JAKMIP3: variants seen among roughly 807,000 people sequenced by gnomAD.
JAKMIP3 encodes the protein janus kinase and microtubule-interacting protein 3.
A neutral mutation model predicts 118.5 loss-of-function variants in JAKMIP3; 58 were observed. That is an observed-to-expected ratio of 0.49 (90% CI 0.40 to 0.61). The LOEUF (loss-of-function observed/expected upper bound fraction) is 0.61. Ranked by LOEUF, JAKMIP3 falls within the 20% of genes least tolerant of loss-of-function variation. JAKMIP3 has a pLI of 0.00. For synonymous variants in JAKMIP3, 486 were observed against 451.2 expected, an observed-to-expected ratio of 1.08 and a Z score of -0.98; for missense variants, 950 against 1,109.0, an observed-to-expected ratio of 0.86 and a Z score of 2.04.
In JAKMIP3 at chr10:132,180,598, C is replaced by CGTGT. The variant is rs1197889748; in HGVS notation, c.*1104-1756_*1104-1755insTGTG. On this transcript the variant is annotated intron_variant, in intron 23 of 23. Transcript: ENST00000684848. Reference sequence around the variant, plus strand: ...GTGTGTGCGTGCGCGTGTGTGTGTGCGTGCGCGTGTGTGTGTGCGTGTGTG... The same window carrying CGTGT: ...GTGTGTGCGTGCGCGTGTGTGTGTGCGTGTGTGCGCGTGTGTGTGTGCGTGTGTG... 1.2e-3 allele frequency among the ~76,000 whole-genome samples: 9 copies of CGTGT among 7,366 alleles called. 1 individual carries two copies. Among genetic ancestry groups the CGTGT allele is most frequent in the African/African-American group, 4.3e-3 (9 of 2,108 alleles). 4.8% of individuals were successfully genotyped at this position (7,366 alleles called of 152,430 possible).
At chr10:132,148,470 G>A (rs1361801160) in intron 14 of JAKMIP3, among the ~76,000 whole-genome samples, 11 of 96,100 alleles carry the variant, frequency 1.1e-4, no homozygotes, top group South Asian at 4.0e-4. Context: ...TCCTCCATCC[G>A]CCCGTCCTCC....
At chr10:132,050,966 C>T (rs1457359015) in intron 1 of JAKMIP3, among the ~76,000 whole-genome samples, 1 of 147,064 alleles carries the variant, frequency 6.8e-6, no homozygotes, top group Non-Finnish European at 1.5e-5. Context: ...TCTTTCCTGG[C>T]ATGTTGGTCT....
At chr10:132,155,525 A>G (rs1442214836) in intron 19 of JAKMIP3, among the ~76,000 whole-genome samples, 1 of 152,214 alleles carries the variant, frequency 6.6e-6, no homozygotes, top group Non-Finnish European at 1.5e-5. Flanking sequence ...CAGCCACACC[A>G]GGCACCTAGC....
intron 19 of JAKMIP3, among the ~76,000 whole-genome samples, chr10:132,154,669 C>A (rs2056781174): frequency 6.6e-6 from 1 of 152,084 alleles, no homozygotes; most frequent in African/African-American, 2.4e-5. Flanking sequence ...ACCCTCATGC[C>A]TGTGAGGAGA....
chr10:132,120,519 ATC>A (rs1316802343), intron 3 of JAKMIP3, among the ~76,000 whole-genome samples: 3 of 152,212 alleles, frequency 2.0e-5, no homozygotes, highest in Non-Finnish European at 2.9e-5. Flanking sequence ...CCAGCTATCT[ATC>A]TGTCTATATC....
At chr10:132,164,798 C>G in intron 21 of JAKMIP3, 63 bp downstream of exon 21, 1 of 1,153,478 alleles carries the variant, frequency 8.7e-7, no homozygotes. Flanking sequence ...CCGGTGTCAC[C>G]CCGACCTGAG....
intron 2 of JAKMIP3, among the ~76,000 whole-genome samples, chr10:132,111,580 T>G (rs1306088569): frequency 6.6e-6 from 1 of 151,762 alleles, no homozygotes; most frequent in Admixed American, 6.6e-5. Context: ...ATAGTCTGCC[T>G]GGGGACACTT....
At chr10:132,062,226 C>T (rs1415836480), upstream of JAKMIP3, among the ~76,000 whole-genome samples, 1 of 152,248 alleles carries the variant, frequency 6.6e-6, no homozygotes, top group Non-Finnish European at 1.5e-5. Context: ...CTCTCTGCCC[C>T]TCAGACTGCC....
At chr10:132,099,239 A>T (rs1407683830) in intron 1 of JAKMIP3, among the ~76,000 whole-genome samples, 1 of 152,104 alleles carries the variant, frequency 6.6e-6, no homozygotes, top group Admixed American at 6.5e-5. Context: ...CTCGTCAGCG[A>T]CACTGAGGTT....
chr10:132,111,873 T>G (rs1467823832), intron 2 of JAKMIP3, among the ~76,000 whole-genome samples: 1 of 152,140 alleles, frequency 6.6e-6, no homozygotes, highest in Admixed American at 6.5e-5. Flanking sequence ...GGGAGGCAGC[T>G]GCTCAGAGGT....
At chr10:132,146,059 C>T (rs1055918560) in intron 13 of JAKMIP3, among the ~76,000 whole-genome samples, 33 of 152,254 alleles carry the variant, frequency 2.2e-4, no homozygotes, top group African/African-American at 7.0e-4. Flanking sequence ...TTCGGCAAGG[C>T]GTCACCTGGC....
At chr10:132,159,666 G>A (rs1353225628) in intron 19 of JAKMIP3, among the ~76,000 whole-genome samples, 2 of 97,604 alleles carry the variant, frequency 2.0e-5, no homozygotes, top group Admixed American at 1.0e-4. Flanking sequence ...GTGTGATGCT[G>A]GGGGGTCCTC....
chr10:132,077,098 T>TC (rs1180038925), intron 1 of JAKMIP3, among the ~76,000 whole-genome samples: 1 of 152,226 alleles, frequency 6.6e-6, no homozygotes, highest in Non-Finnish European at 1.5e-5. Context: ...TTTCTGCTCT[T>TC]CCCCAAGTGG....
At chr10:132,054,026 T>G (rs1388322260) in intron 1 of JAKMIP3, among the ~76,000 whole-genome samples, 3 of 105,930 alleles carry the variant, frequency 2.8e-5, no homozygotes, top group Admixed American at 1.3e-4. Flanking sequence ...GGTGACAGAG[T>G]GAGACTCTGT....
At chr10:132,178,307 G>C (rs1276386451) in intron 23 of JAKMIP3, among the ~76,000 whole-genome samples, 1 of 152,248 alleles carries the variant, frequency 6.6e-6, no homozygotes, top group Admixed American at 6.5e-5. Flanking sequence ...GTTGATAACA[G>C]CACTGGTCCC....
intron 19 of JAKMIP3, among the ~76,000 whole-genome samples, chr10:132,157,362 G>A (rs1199326504): frequency 6.6e-6 from 1 of 152,140 alleles, no homozygotes; most frequent in African/African-American, 2.4e-5. Context: ...CTTGGTGTGA[G>A]CGCATCATGG....
chr10:132,050,496 T>C (rs1392631596), intron 1 of JAKMIP3, among the ~76,000 whole-genome samples: 1 of 152,208 alleles, frequency 6.6e-6, no homozygotes, highest in Non-Finnish European at 1.5e-5. Flanking sequence ...CCTGGATTTG[T>C]TGCTTTTTCT....
rs555490979 is a variant in JAKMIP3 at position 132,051,482 on chromosome 10, G to C, written c.-138+14744G>C. Among the ~76,000 whole-genome samples, 7 of 152,282 alleles carry C rather than the reference G, an allele frequency of 4.6e-5. No homozygotes were observed. The South Asian group carries it at 1.2e-3, about 27-fold the overall frequency. On this transcript the variant is annotated intron_variant, in intron 1 of 23. Coordinates refer to the JAKMIP3 transcript ENST00000657785. Reference sequence around the variant, plus strand: ...AATGACCATTTCCCTGCCTGCTCATGATTCTGGGGGCTTCTTTACATCTGT... The same window carrying C: ...AATGACCATTTCCCTGCCTGCTCATCATTCTGGGGGCTTCTTTACATCTGT...
At chr10:132,105,079 G>A (rs748892200) in intron 2 of JAKMIP3, 136 bp downstream of exon 2, 425 of 1,038,424 alleles carry the variant, frequency 4.1e-4, no homozygotes, top group Non-Finnish European at 5.0e-4. Context: ...GCTTGGGACA[G>A]ACCACTTGGT....
Sources: allele counts gnomAD v4.1 joint callset (sites outside exome capture counted in the v4.1 genomes callset), GRCh38; gene constraint gnomAD v4.1.1; transcripts MANE v1.5; gene names NCBI Gene and HGNC (gene_info 2026-07-23, HGNC 2026-07-21).